GABRA5: variants seen among roughly 807,000 people sequenced by gnomAD.
GABRA5 encodes the protein gamma-aminobutyric acid receptor subunit alpha-5.
Under a neutral mutation model 47.3 loss-of-function variants are expected in GABRA5, and 18 were observed. The observed-to-expected ratio is 0.38, with a 90% CI of 0.26 to 0.56. The LOEUF (loss-of-function observed/expected upper bound fraction) is 0.56. GABRA5 is among the 20% of genes least tolerant of loss of function. The pLI is 0.71. For synonymous variants in GABRA5, 237 were observed against 229.3 expected, an observed-to-expected ratio of 1.03 and a Z score of -0.30; for missense variants, 365 against 599.3, an observed-to-expected ratio of 0.61 and a Z score of 4.08.
chr15:26,869,945 A>C (rs1341490814), intron 3 of GABRA5, among the ~76,000 whole-genome samples: 1 of 152,190 alleles, frequency 6.6e-6, no homozygotes, highest in Non-Finnish European at 1.5e-5. Flanking sequence ...TAGTATCCGC[A>C]TACCAACTCT....
At chr15:26,892,680 T>A (rs1041434852) in intron 6 of GABRA5, among the ~76,000 whole-genome samples, 7 of 152,248 alleles carry the variant, frequency 4.6e-5, no homozygotes, top group Non-Finnish European at 1.0e-4. Context: ...GATCTCAAGT[T>A]TTTTGCATTG....
chr15:26,933,558 C>A (rs1255340983), intron 7 of GABRA5, among the ~76,000 whole-genome samples: 1 of 152,148 alleles, frequency 6.6e-6, no homozygotes, highest in Non-Finnish European at 1.5e-5. Context: ...TGATCTGGGC[C>A]CATTAAGTTC....
intron 6 of GABRA5, among the ~76,000 whole-genome samples, chr15:26,903,251 A>G (rs1032856688): frequency 6.6e-6 from 1 of 151,826 alleles, no homozygotes; most frequent in African/African-American, 2.4e-5. Context: ...AAGGATAATG[A>G]CCTCCAGCTC....
chr15:26,937,057 T>C, intron 7 of GABRA5, 128 bp from the exon 8 acceptor site: 1 of 1,135,382 alleles, frequency 8.8e-7, no homozygotes, highest in Non-Finnish European at 1.3e-6. Context: ...ATGCATTTTT[T>C]AGGTCATGGA....
At chr15:26,936,623 G>T (rs1446702937) in intron 7 of GABRA5, among the ~76,000 whole-genome samples, 2 of 152,212 alleles carry the variant, frequency 1.3e-5, no homozygotes, top group African/African-American at 4.8e-5. Context: ...GACACCAGGG[G>T]TGCAGGTCCT....
intron 7 of GABRA5, among the ~76,000 whole-genome samples, chr15:26,925,049 G>A (rs1179946890): frequency 6.6e-6 from 1 of 151,830 alleles, no homozygotes. Context: ...TTTTTAGTGG[G>A]AGGAATAGAG....
At chr15:26,874,064 C>T (rs1892534566) in intron 3 of GABRA5, among the ~76,000 whole-genome samples, 1 of 152,228 alleles carries the variant, frequency 6.6e-6, no homozygotes, top group South Asian at 2.1e-4. Flanking sequence ...GTCTGGCAGT[C>T]AGCTCGGGAG....
In GABRA5 at chr15:26,883,534, C is replaced by G; in HGVS notation, c.474C>G (p.Asp158Glu). The G allele has an allele frequency of 6.3e-7, 1 of 1,582,900 alleles. No individual in the cohort carries two copies. Residue 158 changes from aspartate (D) to glutamate (E), a missense_variant, in exon 6 of 11, where the codon GAC becomes GAG. Asp to Glu is a conservative substitution (Grantham distance 45, BLOSUM62 2). Around this residue, in one of 3 missense-constraint regions of GABRA5, gnomAD observed 216 missense variants for 335.3 expected, o/e 0.64. Coordinates refer to ENST00000335625, the MANE Select transcript of GABRA5 (RefSeq NM_000810.4). This position sits in a 1 kb window ranked among gnomAD's most constrained non-coding sequence, Gnocchi z 4.8. ...TPNKLLRLEDDGTLLYTMRLT... is the reference protein window; with the variant it reads ...TPNKLLRLEDEGTLLYTMRLT... ...ACAAGCTGCTGCGGCTGGAGGACGA[C>G]GGCACCCTGCTCTACACCATGCGGT...
intron 6 of GABRA5, among the ~76,000 whole-genome samples, chr15:26,911,384 CACACACACACACAA>C (rs1893585667): frequency 1.4e-5 from 2 of 146,134 alleles, no homozygotes; most frequent in South Asian, 2.2e-4. Flanking sequence ...CACACACACA[CACACACACACACAA>C]ACACACACAC....
chr15:26,890,455 G>A (rs926859255), intron 6 of GABRA5, among the ~76,000 whole-genome samples: 3 of 114,528 alleles, frequency 2.6e-5, no homozygotes, highest in African/African-American at 1.6e-4. Context: ...GCTTTGGGAC[G>A]TGCCTCACAG....
At chr15:26,870,125 G>A (rs1347387241) in intron 3 of GABRA5, among the ~76,000 whole-genome samples, 1 of 152,218 alleles carries the variant, frequency 6.6e-6, no homozygotes, top group African/African-American at 2.4e-5. Context: ...GACAAAAGTT[G>A]CCAAGCGTTA....
In GABRA5 at chr15:26,869,262, T is replaced by C. The variant is rs1297335293; in HGVS notation, c.14T>C (p.Met5Thr). 5 of 1,597,030 alleles carry C rather than the reference T, an allele frequency of 3.1e-6. No individual in the cohort carries two copies. Among genetic ancestry groups the C allele is most frequent in the Admixed American group, 3.3e-5 (2 of 59,988 alleles). The change falls in exon 3 of 11, where the codon ATG (methionine) becomes ACG (threonine). Residue 5 changes from methionine to threonine, a missense_variant. By Grantham distance (81) the Met-to-Thr change is moderately conservative (BLOSUM62 -1). Transcript: ENST00000335625. MDNG[M>T]FSGFIMIKNL... ...TTCTTATTGGGAATGGACAATGGAA[T>C]GTTCTCTGGTTTTATCATGATCAAA...
At chr15:26,892,704 T>C (rs958794753) in intron 6 of GABRA5, among the ~76,000 whole-genome samples, 4 of 152,238 alleles carry the variant, frequency 2.6e-5, no homozygotes, top group Non-Finnish European at 4.4e-5. Context: ...CAAGCAATAT[T>C]AATAAGGTCC....
At chr15:26,885,834 T>C (rs974367959) in intron 6 of GABRA5, among the ~76,000 whole-genome samples, 3 of 152,110 alleles carry the variant, frequency 2.0e-5, no homozygotes, top group Admixed American at 6.5e-5. Flanking sequence ...GGGGTTCACG[T>C]AGGGCTGGGA....
At chr15:26,926,197 T>A (rs1407754170) in intron 7 of GABRA5, among the ~76,000 whole-genome samples, 1 of 152,106 alleles carries the variant, frequency 6.6e-6, no homozygotes, top group East Asian at 1.9e-4. Flanking sequence ...TCCTGTCCAT[T>A]TCTGCTTGTC....
chr15:26,906,438 C>T (rs932386312), intron 6 of GABRA5, among the ~76,000 whole-genome samples: 4 of 152,142 alleles, frequency 2.6e-5, no homozygotes, highest in African/African-American at 9.7e-5. Flanking sequence ...GTTTGAAGGT[C>T]AGCCAGACAT....
At chr15:26,894,723 C>T (rs532961391) in intron 6 of GABRA5, among the ~76,000 whole-genome samples, 32 of 152,088 alleles carry the variant, frequency 2.1e-4, no homozygotes, top group Admixed American at 5.2e-4. Flanking sequence ...GTGCGCTCAC[C>T]GGAGGAGGTG....
chr15:26,893,898 G>C (rs1893106065), intron 6 of GABRA5, among the ~76,000 whole-genome samples: 1 of 152,118 alleles, frequency 6.6e-6, no homozygotes, highest in South Asian at 2.1e-4. Flanking sequence ...GCGGGGCGGC[G>C]GCAGCCGGTC....
chr15:26,891,857 A>G (rs1893014279), intron 6 of GABRA5, among the ~76,000 whole-genome samples: 1 of 152,210 alleles, frequency 6.6e-6, no homozygotes, highest in Non-Finnish European at 1.5e-5. Flanking sequence ...AAAGTGAGCC[A>G]AGTGACCCGC....
Sources: gnomAD v4.1 joint callset for allele counts (sites outside exome capture counted in the v4.1 genomes callset) on GRCh38, gnomAD v4.1.1 for gene constraint, gnomAD v4.1.1 regional missense constraint, Gnocchi (gnomAD v3.1) non-coding constraint, MANE v1.5 for transcripts, NCBI Gene and HGNC (gene_info 2026-07-23, HGNC 2026-07-21) for gene names.